ZNF512: variants seen among roughly 807,000 people sequenced by gnomAD.
ZNF512 encodes the protein zinc finger protein 512.
A neutral mutation model predicts 77.5 loss-of-function variants in ZNF512; 25 were observed. That is an observed-to-expected ratio of 0.32 (90% CI 0.23 to 0.45). The LOEUF is 0.45. ZNF512 is among the 20% of genes least tolerant of loss of function. ZNF512 has a pLI of 1.00. For synonymous variants in ZNF512, 246 were observed against 239.9 expected (o/e 1.03, Z -0.24); for missense variants, 483 against 692.6 (o/e 0.70, Z 3.40).
In ZNF512 at chr2:27,583,245, G is replaced by A. The variant is rs926297405; in HGVS notation, c.30+103G>A. Reference sequence around the variant, plus strand: ...CCATGCTGAGTTGGTTTTATCAGAGGCCATCGTAGGCCCCACCCTTCTAGA... The same window carrying A: ...CCATGCTGAGTTGGTTTTATCAGAGACCATCGTAGGCCCCACCCTTCTAGA... On this transcript the variant is annotated intron_variant, in intron 1 of 13. Coordinates refer to ENST00000355467, the MANE Select transcript of ZNF512 (RefSeq NM_032434.4). 5 of 1,514,352 alleles carry A rather than the reference G, an allele frequency of 3.3e-6. 1 individual carries two copies. In the Middle Eastern group the frequency reaches 6.8e-4, roughly 206 times the overall value. The allele number at this position is 1,514,352 out of a possible 1,614,324, so 93.8% of individuals were successfully genotyped here.
intron 2 of ZNF512, 69 bp from the exon 3 acceptor site, chr2:27,597,998 A>G: frequency 7.6e-7 from 1 of 1,309,582 alleles, no homozygotes; most frequent in South Asian, 1.9e-5. Context: ...CTTGGTTATA[A>G]TGTAAAAGAA....
chr2:27,613,127 A>G (rs1439085055), intron 10 of ZNF512, among the ~76,000 whole-genome samples: 1 of 151,976 alleles, frequency 6.6e-6, no homozygotes, highest in East Asian at 2.0e-4. Flanking sequence ...GGATCATCAG[A>G]TACATGTATA....
chr2:27,587,352 C>T (rs891308840), intron 2 of ZNF512, among the ~76,000 whole-genome samples: 4 of 150,916 alleles, frequency 2.7e-5, no homozygotes, highest in Admixed American at 6.6e-5. Context: ...TCCTGGCTCA[C>T]CGAACCCTTT....
chr2:27,603,407 CCTCTTT>C, intron 9 of ZNF512, 100 bp downstream of exon 9: 1 of 1,280,790 alleles, frequency 7.8e-7, no homozygotes, highest in Admixed American at 2.1e-5. Context: ...TCATTTGTAT[CCTCTTT>C]TAATCTCTGA....
chr2:27,600,897 T>C lies in ZNF512; in HGVS notation c.582+82T>C, dbSNP rs1672089121. On this transcript the variant is annotated intron_variant, in intron 6 of 13. Transcript: ENST00000355467. ...TCTTTTGCTATGTTGGATATGCTGG[T>C]TATAATGGATGAAAAGCAGCATTGT... The C allele has an allele frequency of 1.1e-5, 17 of 1,501,346 alleles. No individual in the cohort carries two copies. The South Asian group carries it at 1.6e-4, about 14-fold the overall frequency. The allele number at this position is 1,501,346 out of a possible 1,614,324, so 93.0% of individuals were successfully genotyped here.
chr2:27,609,258 T>A (rs1209403870), intron 10 of ZNF512, among the ~76,000 whole-genome samples: 3 of 152,204 alleles, frequency 2.0e-5, no homozygotes, highest in African/African-American at 7.2e-5. Flanking sequence ...ATTGTATTTT[T>A]GAATATTAGA....
chr2:27,610,536 A>ATGTGTGTGTG (rs1173871560), intron 10 of ZNF512, among the ~76,000 whole-genome samples: 1 of 65,132 alleles, frequency 1.5e-5, no homozygotes, highest in Non-Finnish European at 2.5e-5. Context: ...GTGTATATAT[A>ATGTGTGTGTG]TGTGTGTGTA....
At chr2:27,597,161 C>G (rs954342484) in intron 2 of ZNF512, among the ~76,000 whole-genome samples, 1 of 152,168 alleles carries the variant, frequency 6.6e-6, no homozygotes, top group African/African-American at 2.4e-5. Context: ...ATAAGCAAAC[C>G]TCTCTATGTG....
intron 12 of ZNF512, 67 bp from the exon 13 acceptor site, chr2:27,617,406 C>G (rs1672928725): frequency 1.3e-6 from 1 of 771,062 alleles, no homozygotes; most frequent in Non-Finnish European, 2.4e-6. Flanking sequence ...CTAACAATCC[C>G]TACACATAGC....
chr2:27,593,231 CACACACACACACACAA>C (rs1203500609), intron 2 of ZNF512, among the ~76,000 whole-genome samples: 134 of 149,352 alleles, frequency 9.0e-4, no homozygotes, highest in African/African-American at 3.3e-3. Flanking sequence ...CACACACACA[CACACACACACACACAA>C]AAGAATGAGC....
chr2:27,607,309 G>A (rs1188240795), intron 9 of ZNF512, among the ~76,000 whole-genome samples: 1 of 151,088 alleles, frequency 6.6e-6, no homozygotes, highest in African/African-American at 2.4e-5. Flanking sequence ...TATATATAGT[G>A]TGAGGGATGG....
At chr2:27,596,043 G>C (rs563130628) in intron 2 of ZNF512, among the ~76,000 whole-genome samples, 4 of 152,076 alleles carry the variant, frequency 2.6e-5, no homozygotes, top group African/African-American at 9.7e-5. Flanking sequence ...GAATGTTGCC[G>C]TTTCTGTTTT....
chr2:27,598,359 G>T, intron 3 of ZNF512, 105 bp downstream of exon 3: 1 of 1,227,830 alleles, frequency 8.1e-7, no homozygotes, highest in East Asian at 2.5e-5. Context: ...GCTGAGCGTG[G>T]TGGCTCACGC....
intron 10 of ZNF512, among the ~76,000 whole-genome samples, chr2:27,610,103 G>A (rs141743183): frequency 2.0e-5 from 3 of 151,420 alleles, no homozygotes; most frequent in South Asian, 2.1e-4. Flanking sequence ...GGTGGCTCAC[G>A]CCTGTAATCA....
chr2:27,604,292 A>G (rs1238496373), intron 9 of ZNF512, among the ~76,000 whole-genome samples: 2 of 152,180 alleles, frequency 1.3e-5, no homozygotes, highest in Non-Finnish European at 1.5e-5. Flanking sequence ...GCATCTGTCC[A>G]GCTGGTTCCT....
At chr2:27,590,561 A>T (rs2148004999) in intron 2 of ZNF512, among the ~76,000 whole-genome samples, 1 of 152,162 alleles carries the variant, frequency 6.6e-6, no homozygotes, top group Non-Finnish European at 1.5e-5. Flanking sequence ...TTAATTATTG[A>T]TATGGTTGGA....
intron 2 of ZNF512, among the ~76,000 whole-genome samples, chr2:27,597,750 TG>T (rs1671937283): frequency 6.6e-6 from 1 of 152,222 alleles, no homozygotes; most frequent in African/African-American, 2.4e-5. Flanking sequence ...GGGAGTCTTC[TG>T]AAGGGTCATA....
At chr2:27,600,995 G>A (rs1040613597) in intron 6 of ZNF512, among the ~76,000 whole-genome samples, 180 bp downstream of exon 6, 1 of 152,096 alleles carries the variant, frequency 6.6e-6, no homozygotes, top group Non-Finnish European at 1.5e-5. Context: ...ATACTAGTGT[G>A]GCATTTAGCT....
At chr2:27,610,586 T>A (rs1672614761) in intron 10 of ZNF512, among the ~76,000 whole-genome samples, 3 of 69,580 alleles carry the variant, frequency 4.3e-5, no homozygotes, top group Admixed American at 1.4e-4. Context: ...TTTTTTTTTT[T>A]TTTTTTTTTT....
Sources: gnomAD v4.1 joint callset for allele counts (sites outside exome capture counted in the v4.1 genomes callset) on GRCh38, gnomAD v4.1.1 for gene constraint, MANE v1.5 for transcripts, NCBI Gene and HGNC (gene_info 2026-07-23, HGNC 2026-07-21) for gene names.